PALS1: variants seen among roughly 807,000 people sequenced by gnomAD.
PALS1 encodes the protein protein associated with LIN7 1, MAGUK p55 family member.
Under a neutral mutation model 78.9 loss-of-function variants are expected in PALS1, and 31 were observed. The observed-to-expected ratio is 0.39, with a 90% CI of 0.30 to 0.53. The LOEUF is 0.53. Among genes scored for constraint, PALS1 ranks in the 20% least tolerant of loss-of-function variants. The pLI is 0.67. For synonymous variants in PALS1, 276 were observed against 270.9 expected, an observed-to-expected ratio of 1.02 and a Z score of -0.18; for missense variants, 704 against 826.5, an observed-to-expected ratio of 0.85 and a Z score of 1.82.
chr14:67,304,766 CAT>C (rs576696478), intron 8 of PALS1, among the ~76,000 whole-genome samples: 54 of 152,148 alleles, frequency 3.5e-4, no homozygotes, highest in Admixed American at 3.1e-3. Context: ...CAATTGTGTA[CAT>C]GAGTGAATTG....
intron 1 of PALS1, among the ~76,000 whole-genome samples, chr14:67,254,623 GTTTAA>G (rs1254158814): frequency 2.6e-5 from 4 of 152,088 alleles, no homozygotes; most frequent in African/African-American, 9.7e-5. Flanking sequence ...CACTGCTTCA[GTTTAA>G]TTTATAGATA....
chr14:67,242,740 A>G (rs892299337), intron 1 of PALS1, among the ~76,000 whole-genome samples: 2 of 152,202 alleles, frequency 1.3e-5, no homozygotes, highest in African/African-American at 4.8e-5. Flanking sequence ...TTTATAGATA[A>G]AACAGGCAAA....
intron 2 of PALS1, 45 bp from the exon 3 acceptor site, chr14:67,278,973 A>G (rs1337626908): frequency 1.7e-5 from 8 of 480,032 alleles, no homozygotes; most frequent in African/African-American, 1.6e-4. Context: ...ACCTGCTTTT[A>G]TATTGTAATT....
At chr14:67,287,185 C>T (rs2084702900) in intron 3 of PALS1, among the ~76,000 whole-genome samples, 1 of 152,044 alleles carries the variant, frequency 6.6e-6, no homozygotes, top group South Asian at 2.1e-4. Context: ...CACCACCGAA[C>T]TCTAGCCAGG....
chr14:67,265,589 G>A (rs1224873793), intron 1 of PALS1, among the ~76,000 whole-genome samples: 1 of 151,800 alleles, frequency 6.6e-6, no homozygotes, highest in Non-Finnish European at 1.5e-5. Context: ...CAGCGCAGTG[G>A]CTCACGCCTG....
intron 1 of PALS1, among the ~76,000 whole-genome samples, chr14:67,269,171 G>A (rs917942356): frequency 6.6e-6 from 1 of 151,928 alleles, no homozygotes; most frequent in Non-Finnish European, 1.5e-5. Context: ...CTGTTTGTAG[G>A]GTTAATCTAT....
At chr14:67,288,840 C>T (rs575009333) in intron 3 of PALS1, among the ~76,000 whole-genome samples, 1 of 152,024 alleles carries the variant, frequency 6.6e-6, no homozygotes, top group South Asian at 2.1e-4. Flanking sequence ...TTAGGTCATT[C>T]TAATGACGGT....
At chr14:67,320,445 C>G (rs766651556) in intron 12 of PALS1, 48 bp downstream of exon 12, 72 of 1,483,848 alleles carry the variant, frequency 4.9e-5, no homozygotes, top group Non-Finnish European at 5.9e-5. Context: ...AATTTACCAG[C>G]TCAGAACCTA....
rs374644606 is a variant in PALS1 at position 67,292,691 on chromosome 14, T to C, written c.548T>C (p.Ile183Thr). ...MNKASPPFPL[I>T]SNAQDLAQEV... Reference sequence around the variant, plus strand: ...AAGGCCAGTCCTCCATTTCCTCTTATCTCCAACGCACAAGATCTTGCTCAA... The same window carrying C: ...AAGGCCAGTCCTCCATTTCCTCTTACCTCCAACGCACAAGATCTTGCTCAA... Residue 183 changes from isoleucine (I) to threonine (T), a missense_variant, in exon 4 of 15, where the codon ATC (isoleucine) becomes ACC (threonine). Coordinates refer to ENST00000261681, the MANE Select transcript of PALS1 (RefSeq NM_022474.4). The C allele has an allele frequency of 6.2e-6, 10 of 1,613,680 alleles. No homozygotes were observed. Among genetic ancestry groups the C allele is most frequent in the African/African-American group, 1.3e-5 (1 of 75,030 alleles).
chr14:67,312,325 C>G (rs887223091), intron 8 of PALS1: 22 of 362,646 alleles, frequency 6.1e-5, no homozygotes, highest in African/African-American at 4.6e-4. Flanking sequence ...CACCTATAAT[C>G]CCACCACTTT....
chr14:67,308,546 CTT>C (rs375911648), intron 8 of PALS1, among the ~76,000 whole-genome samples: 21 of 131,788 alleles, frequency 1.6e-4, no homozygotes, highest in South Asian at 2.4e-4. Flanking sequence ...TTTTCTTTTT[CTT>C]TTTTTTTTTT....
At chr14:67,311,230 G>T (rs1039868060) in intron 8 of PALS1, among the ~76,000 whole-genome samples, 3 of 146,558 alleles carry the variant, frequency 2.0e-5, no homozygotes, top group African/African-American at 7.7e-5. Flanking sequence ...AGAATCACTT[G>T]AACCCGGGAG....
At chr14:67,265,048 A>G (rs1730115934) in intron 1 of PALS1, among the ~76,000 whole-genome samples, 1 of 152,166 alleles carries the variant, frequency 6.6e-6, no homozygotes. Flanking sequence ...AGATTTTTTA[A>G]ATTGGGATTT....
At chr14:67,261,876 A>T (rs1222968776) in intron 1 of PALS1, among the ~76,000 whole-genome samples, 1 of 152,132 alleles carries the variant, frequency 6.6e-6, no homozygotes, top group Non-Finnish European at 1.5e-5. Flanking sequence ...GATTGTGTTA[A>T]AATTTATTTT....
intron 1 of PALS1, among the ~76,000 whole-genome samples, chr14:67,258,386 C>T (rs2084179375): frequency 6.6e-6 from 1 of 152,082 alleles, no homozygotes; most frequent in South Asian, 2.1e-4. Flanking sequence ...AATACAAAAA[C>T]TTAGCCGGCT....
intron 6 of PALS1, 100 bp downstream of exon 6, chr14:67,302,218 C>T: frequency 3.8e-6 from 5 of 1,315,516 alleles, no homozygotes; most frequent in Non-Finnish European, 5.1e-6. Flanking sequence ...TAGAGTATTT[C>T]TGAAGCAGAA....
At chr14:67,244,384 G>A (rs1490640489) in intron 1 of PALS1, among the ~76,000 whole-genome samples, 2 of 152,140 alleles carry the variant, frequency 1.3e-5, no homozygotes, top group South Asian at 2.1e-4. Context: ...ATGAGTGACA[G>A]TGGCTTCACA....
At chr14:67,316,772 A>T in intron 9 of PALS1, 60 bp from the exon 10 acceptor site, 4 of 1,429,400 alleles carry the variant, frequency 2.8e-6, no homozygotes, top group Non-Finnish European at 2.9e-6. Flanking sequence ...TTGATTAAAA[A>T]AAAAATTCTT....
chr14:67,286,460 C>T (rs72717377), intron 3 of PALS1, among the ~76,000 whole-genome samples: 9,553 of 151,894 alleles, frequency 0.063, 394 homozygotes, highest in Non-Finnish European at 0.098. Context: ...TTTTAAATTC[C>T]CTGCAGAATT....
Sources: allele counts gnomAD v4.1 joint callset (sites outside exome capture counted in the v4.1 genomes callset), GRCh38; gene constraint gnomAD v4.1.1; transcripts MANE v1.5; gene names NCBI Gene and HGNC (gene_info 2026-07-23, HGNC 2026-07-21).